Variants in ADGB observed in about 807,000 individuals in gnomAD.
The protein encoded by ADGB is calpain-7-like protein.
Under a neutral mutation model 210.5 loss-of-function variants are expected in ADGB, and 172 were observed. The observed-to-expected ratio is 0.82, with a 90% CI of 0.72 to 0.93. The LOEUF is 0.93. ADGB is among the 40% of genes least tolerant of loss of function. ADGB has a pLI of 0.00. For synonymous variants in ADGB, 658 were observed against 662.7 expected, an observed-to-expected ratio of 0.99 and a Z score of 0.11; for missense variants, 2,025 against 1,964.8, an observed-to-expected ratio of 1.03 and a Z score of -0.58.
At chr6:146,725,267 G>A (rs1017752174) in intron 18 of ADGB, 73 of 152,270 alleles carry the variant, frequency 4.8e-4, no homozygotes, top group African/African-American at 1.7e-3. Flanking sequence ...CCATCAACAT[G>A]TATGTTTTGA....
At chr6:146,741,380 C>T in intron 25 of ADGB, 109 bp downstream of exon 25, 1 of 930,598 alleles carries the variant, frequency 1.1e-6, no homozygotes, top group Non-Finnish European at 1.6e-6. Context: ...ACTTAACAGA[C>T]AAATAAGGCC....
intron 1 of ADGB, among the ~76,000 whole-genome samples, chr6:146,622,492 T>C (rs1780908979): frequency 6.6e-6 from 1 of 152,142 alleles, no homozygotes; most frequent in African/African-American, 2.4e-5. Flanking sequence ...ATTCATAGCT[T>C]TGATGATTAG....
At chr6:146,707,275 G>A (rs1488029597) in intron 13 of ADGB, among the ~76,000 whole-genome samples, 1 of 152,128 alleles carries the variant, frequency 6.6e-6, no homozygotes, top group Non-Finnish European at 1.5e-5. Flanking sequence ...CCTGGAGAAT[G>A]TTCCTTGTGA....
chr6:146,726,062 T>A (rs1295704776), intron 18 of ADGB, 21 bp from the exon 19 acceptor site: 12 of 1,467,958 alleles, frequency 8.2e-6, no homozygotes, highest in Admixed American at 6.0e-5. Flanking sequence ...TCGGTTATCA[T>A]CCGGCATCCC....
At chr6:146,718,085 G>A (rs1485199077) in intron 16 of ADGB, among the ~76,000 whole-genome samples, 1 of 152,018 alleles carries the variant, frequency 6.6e-6, no homozygotes, top group Non-Finnish European at 1.5e-5. Flanking sequence ...TAGCACAGAT[G>A]CCCTTGACAC....
chr6:146,721,282 G>T lies in ADGB; in HGVS notation c.1993-121G>T, dbSNP rs376342078. The T allele has an allele frequency of 9.2e-5, 58 of 627,784 alleles. 3 individuals are homozygous for T. Among genetic ancestry groups the T allele is most frequent in the East Asian group, 4.7e-4 (17 of 35,966 alleles). 38.9% of individuals were successfully genotyped at this position (627,784 alleles called of 1,614,324 possible). ...TTAGATTCATAAAGTATTTATTGTG[G>T]TGCCTACAACACAGTAAGTTTCCTG... On this transcript the variant is annotated intron_variant, in intron 16 of 35. Transcript: ENST00000397944.
chr6:146,759,616 C>A (rs1398502713), intron 27 of ADGB, among the ~76,000 whole-genome samples: 1 of 151,510 alleles, frequency 6.6e-6, no homozygotes, highest in East Asian at 1.9e-4. Context: ...AACAAATAAC[C>A]TGTGTATCTA....
intron 27 of ADGB, among the ~76,000 whole-genome samples, chr6:146,763,614 C>T (rs937400838): frequency 2.0e-5 from 3 of 152,138 alleles, no homozygotes; most frequent in Admixed American, 2.0e-4. Flanking sequence ...CTGGCGTTAG[C>T]TTAGGGTCAT....
chr6:146,718,459 T>C (rs575723925), intron 16 of ADGB, among the ~76,000 whole-genome samples: 18 of 152,106 alleles, frequency 1.2e-4, no homozygotes, highest in Middle Eastern at 3.4e-3. Context: ...GTGCCCATTC[T>C]TCCCCCTACT....
intron 5 of ADGB, among the ~76,000 whole-genome samples, chr6:146,663,151 A>G (rs1775888090): frequency 7.0e-6 from 1 of 142,232 alleles, no homozygotes; most frequent in African/African-American, 2.6e-5. Flanking sequence ...AATTATAAAT[A>G]TATAATATAT....
At chr6:146,803,553 A>G in intron 35 of ADGB, 1 of 1,564,138 alleles carries the variant, frequency 6.4e-7, no homozygotes, top group Non-Finnish European at 8.8e-7. Context: ...CAACTGTTCT[A>G]TTTATGTAAG....
At position 146,761,512 on chromosome 6, in the gene ADGB, T is replaced by C. The variant is rs547516974; in HGVS notation, c.3551-2389T>C. On this transcript the variant is annotated intron_variant, in intron 27 of 35. Transcript: ENST00000397944. The stretch of plus-strand genomic sequence containing the variant: ...GATTTTAATTGGATTTGGATTGCAC[T>C]GAACTTGGGGAGCACTAACTTCTTA... Among the ~76,000 whole-genome samples, 3 of 152,216 alleles carry C rather than the reference T, an allele frequency of 2.0e-5. No homozygotes were observed. The East Asian group carries it at 5.8e-4, about 29-fold the overall frequency.
chr6:146,733,580 T>C (rs1406016412), intron 21 of ADGB, among the ~76,000 whole-genome samples: 1 of 152,216 alleles, frequency 6.6e-6, no homozygotes, highest in African/African-American at 2.4e-5. Context: ...CAAGTAACCC[T>C]ACTTTTCTCT....
intron 13 of ADGB, among the ~76,000 whole-genome samples, chr6:146,704,006 C>T (rs1358664633): frequency 6.6e-6 from 1 of 151,906 alleles, no homozygotes; most frequent in South Asian, 2.1e-4. Flanking sequence ...GCCATTTTAA[C>T]AGGTGTGAAG....
At chr6:146,662,330 C>G (rs1775872652) in intron 5 of ADGB, among the ~76,000 whole-genome samples, 1 of 152,040 alleles carries the variant, frequency 6.6e-6, no homozygotes, top group African/African-American at 2.4e-5. Context: ...ATTGTTGATA[C>G]TATATTTTCC....
chr6:146,663,992 A>G (rs896534220), intron 5 of ADGB, among the ~76,000 whole-genome samples: 12 of 152,130 alleles, frequency 7.9e-5, no homozygotes, highest in African/African-American at 2.9e-4. Context: ...TGATATAGAC[A>G]TGGGTGAGCT....
At chr6:146,810,882 G>C (rs1778293417) in intron 35 of ADGB, among the ~76,000 whole-genome samples, 1 of 152,130 alleles carries the variant, frequency 6.6e-6, no homozygotes, top group Non-Finnish European at 1.5e-5. Context: ...GTACAGAATG[G>C]ATGGTGCCAT....
intron 1 of ADGB, among the ~76,000 whole-genome samples, chr6:146,623,757 G>T (rs1293009379): frequency 1.3e-5 from 2 of 151,802 alleles, no homozygotes; most frequent in African/African-American, 2.4e-5. Context: ...TAAAGGAGTT[G>T]CCTTCTATTC....
chr6:146,668,533 C>G (rs759393461), intron 7 of ADGB, among the ~76,000 whole-genome samples: 1 of 152,020 alleles, frequency 6.6e-6, no homozygotes, highest in African/African-American at 2.4e-5. Flanking sequence ...TTCCTATTAT[C>G]TAAATGACTT....
Sources: allele counts gnomAD v4.1 joint callset (sites outside exome capture counted in the v4.1 genomes callset), GRCh38; gene constraint gnomAD v4.1.1; transcripts MANE v1.5; gene names NCBI Gene and HGNC (gene_info 2026-07-23, HGNC 2026-07-21).